The following FER1L6 variants were observed in gnomAD, a reference collection of about 807,000 sequenced individuals.
The protein encoded by FER1L6 is fer-1 like family member 6.
Under a neutral mutation model 219.2 loss-of-function variants are expected in FER1L6, and 177 were observed. The observed-to-expected ratio is 0.81, with a 90% CI of 0.71 to 0.91. The LOEUF is 0.91. FER1L6 is among the 40% of genes least tolerant of loss of function. The pLI is 0.00. For missense variants in FER1L6, 2,153 were observed against 2,259.9 expected (o/e 0.95, Z 0.96); for synonymous variants, 768 against 824.3 (o/e 0.93, Z 1.17).
At chr8:123,983,747 C>T (rs1053885630) in intron 11 of FER1L6, among the ~76,000 whole-genome samples, 2 of 152,248 alleles carry the variant, frequency 1.3e-5, no homozygotes, top group South Asian at 2.1e-4. Flanking sequence ...TTCTCAACCT[C>T]TTATTAAGGA....
chr8:124,115,365 C>T (rs555451812), intron 39 of FER1L6, among the ~76,000 whole-genome samples: 46 of 152,158 alleles, frequency 3.0e-4, no homozygotes, highest in South Asian at 8.3e-4. Flanking sequence ...CGGCATTTAT[C>T]GAAGCTGTCA....
intron 1 of FER1L6, among the ~76,000 whole-genome samples, chr8:123,920,276 A>G (rs1813321675): frequency 6.6e-6 from 1 of 152,200 alleles, no homozygotes. Context: ...AATCAAGTGG[A>G]TGGGAAACGA....
intron 12 of FER1L6, among the ~76,000 whole-genome samples, chr8:123,999,425 C>A (rs1205401962): frequency 1.3e-5 from 2 of 152,198 alleles, no homozygotes; most frequent in African/African-American, 4.8e-5. Context: ...CCAGGTGGAT[C>A]ACTTGAGGTC....
At chr8:123,923,879 G>A (rs1813456263) in intron 1 of FER1L6, among the ~76,000 whole-genome samples, 1 of 148,546 alleles carries the variant, frequency 6.7e-6, no homozygotes, top group Non-Finnish European at 1.5e-5. Context: ...GGAGGCAGCT[G>A]CAGTGAGCCG....
intron 1 of FER1L6, among the ~76,000 whole-genome samples, chr8:123,906,603 C>A (rs887885048): frequency 1.5e-4 from 23 of 151,986 alleles, no homozygotes; most frequent in South Asian, 8.3e-4. Context: ...AGTTCAAGAC[C>A]AGCCCGGCCA....
intron 1 of FER1L6, among the ~76,000 whole-genome samples, chr8:123,879,995 A>G (rs1040998775): frequency 6.6e-6 from 1 of 152,176 alleles, no homozygotes; most frequent in Non-Finnish European, 1.5e-5. Context: ...TTCAGACTCT[A>G]CTGAAGGATT....
chr8:123,911,191 A>G (rs1234474345), intron 1 of FER1L6, among the ~76,000 whole-genome samples: 9 of 152,226 alleles, frequency 5.9e-5, no homozygotes, highest in Admixed American at 5.9e-4. Flanking sequence ...AAAAATGGAA[A>G]AGGAATAGTA....
At chr8:123,881,803 G>A (rs772522481) in intron 1 of FER1L6, among the ~76,000 whole-genome samples, 1 of 152,094 alleles carries the variant, frequency 6.6e-6, no homozygotes, top group Non-Finnish European at 1.5e-5. Flanking sequence ...TAGATTACGG[G>A]TCCTGTTTTC....
At chr8:123,962,834 G>A (rs998234714) in intron 2 of FER1L6, among the ~76,000 whole-genome samples, 23 of 152,016 alleles carry the variant, frequency 1.5e-4, no homozygotes, top group African/African-American at 5.6e-4. Flanking sequence ...CACCATGTTG[G>A]CCAGGCTGGT....
At chr8:124,003,032 C>T in intron 12 of FER1L6, 135 bp from the exon 13 acceptor site, 2 of 684,214 alleles carry the variant, frequency 2.9e-6, no homozygotes, top group Non-Finnish European at 5.2e-6. Flanking sequence ...TTGGTCTGAT[C>T]ATTGCTCTTT....
chr8:123,984,871 T>G (rs1408802441), intron 11 of FER1L6: 4 of 152,172 alleles, frequency 2.6e-5, no homozygotes, highest in Non-Finnish European at 5.9e-5. Flanking sequence ...TTCCTTAGAT[T>G]GTCCTTATGG....
intron 1 of FER1L6, among the ~76,000 whole-genome samples, chr8:123,942,325 C>A (rs1290826307): frequency 6.6e-6 from 1 of 152,198 alleles, no homozygotes; most frequent in Non-Finnish European, 1.5e-5. Context: ...CTTGTCCCAG[C>A]ACCATACCTA....
intron 1 of FER1L6, among the ~76,000 whole-genome samples, chr8:123,901,312 T>C (rs1354133430): frequency 2.0e-5 from 3 of 152,238 alleles, no homozygotes; most frequent in African/African-American, 7.2e-5. Flanking sequence ...ACAGTAGCCT[T>C]GAATGATCTT....
At chr8:124,027,496 AT>A (rs1818757464) in intron 18 of FER1L6, among the ~76,000 whole-genome samples, 1 of 152,168 alleles carries the variant, frequency 6.6e-6, no homozygotes, top group South Asian at 2.1e-4. Flanking sequence ...CATTGCTGTA[AT>A]TTTGTCCCCC....
At chr8:124,093,724 T>A (rs1363713933) in intron 34 of FER1L6, among the ~76,000 whole-genome samples, 1 of 151,654 alleles carries the variant, frequency 6.6e-6, no homozygotes, top group East Asian at 1.9e-4. Flanking sequence ...TTTGTCTCTA[T>A]CAACTTTTAC....
Position 123,935,876 on chromosome 8 carries a change from C to T in FER1L6, c.-7-20116C>T, listed in dbSNP as rs916736111. ...TGTCATGTCTGTAGAGATGGGAACGCACAGTAAGGGGGACCAACAGAAGGA... is the reference window on the plus strand; with the variant it reads ...TGTCATGTCTGTAGAGATGGGAACGTACAGTAAGGGGGACCAACAGAAGGA... On this transcript the variant is annotated intron_variant, in intron 1 of 40. Coordinates refer to ENST00000522917, the MANE Select transcript of FER1L6 (RefSeq NM_001039112.2). Among the ~76,000 whole-genome samples the T allele has an allele frequency of 4.3e-4, 64 of 149,888 alleles. 1 individual carries two copies. Among genetic ancestry groups the T allele is most frequent in the Middle Eastern group, 3.4e-3 (1 of 290 alleles).
chr8:123,944,663 A>G (rs934562657), intron 1 of FER1L6, among the ~76,000 whole-genome samples: 10 of 152,196 alleles, frequency 6.6e-5, no homozygotes, highest in African/African-American at 9.7e-5. Flanking sequence ...AATTACAAGC[A>G]TAGAGAAGTT....
chr8:124,024,478 T>G (rs895866951), intron 18 of FER1L6, among the ~76,000 whole-genome samples: 1 of 152,132 alleles, frequency 6.6e-6, no homozygotes, highest in African/African-American at 2.4e-5. Context: ...CTTGAGTTAC[T>G]TCACTTAGAA....
chr8:123,929,701 A>G (rs1365438056), intron 1 of FER1L6, among the ~76,000 whole-genome samples: 1 of 152,218 alleles, frequency 6.6e-6, no homozygotes, highest in Non-Finnish European at 1.5e-5. Flanking sequence ...ACACACAAGG[A>G]AGGGAAGACA....
Sources: allele counts gnomAD v4.1 joint callset (sites outside exome capture counted in the v4.1 genomes callset), GRCh38; gene constraint gnomAD v4.1.1; transcripts MANE v1.5; gene names NCBI Gene and HGNC (gene_info 2026-07-23, HGNC 2026-07-21).